The following TMEM132C variants were observed in gnomAD, a reference collection of about 807,000 sequenced individuals.
TMEM132C encodes the protein protein phosphatase 1, regulatory subunit 152.
Under a neutral mutation model 61.4 loss-of-function variants are expected in TMEM132C, and 29 were observed. The observed-to-expected ratio is 0.47, with a 90% CI of 0.35 to 0.64. The LOEUF (loss-of-function observed/expected upper bound fraction) is 0.64, where lower values mean the gene tolerates loss of function less well. TMEM132C is among the 30% of genes least tolerant of loss of function. TMEM132C has a pLI of 0.00. For synonymous variants in TMEM132C, 656 were observed against 633.1 expected (o/e 1.04, Z -0.54); for missense variants, 1,408 against 1,476.9 (o/e 0.95, Z 0.76).
At chr12:128,286,816 G>T (rs921118150) in intron 1 of TMEM132C, among the ~76,000 whole-genome samples, 1 of 152,148 alleles carries the variant, frequency 6.6e-6, no homozygotes. Flanking sequence ...GAAGGGACGT[G>T]TTGGTACCAG....
chr12:128,442,137 A>T (rs1007952901), intron 2 of TMEM132C, among the ~76,000 whole-genome samples: 6 of 152,170 alleles, frequency 3.9e-5, no homozygotes, highest in Non-Finnish European at 1.5e-5. Flanking sequence ...GTGAAAAAGG[A>T]ATCTGGCTTC....
intron 2 of TMEM132C, among the ~76,000 whole-genome samples, chr12:128,537,270 A>C (rs918183747): frequency 6.6e-6 from 1 of 152,202 alleles, no homozygotes; most frequent in Admixed American, 6.5e-5. Flanking sequence ...CTTTTGTCAA[A>C]ACCATAAAAG....
intron 4 of TMEM132C, among the ~76,000 whole-genome samples, chr12:128,620,408 T>C (rs1953953174): frequency 6.6e-6 from 1 of 152,034 alleles, no homozygotes; most frequent in African/African-American, 2.4e-5. Context: ...GGTAGATACT[T>C]CCTAAGGTGA....
At chr12:128,533,915 T>TAC (rs1229822672) in intron 2 of TMEM132C, among the ~76,000 whole-genome samples, 1 of 148,570 alleles carries the variant, frequency 6.7e-6, no homozygotes, top group Non-Finnish European at 1.5e-5. Flanking sequence ...CACACATGCA[T>TAC]ACACACACAC....
chr12:128,279,746 G>C (rs1420634264), intron 1 of TMEM132C, among the ~76,000 whole-genome samples: 2 of 152,194 alleles, frequency 1.3e-5, no homozygotes, highest in Non-Finnish European at 2.9e-5. Context: ...CACATTGTCT[G>C]TTGTTCTCCA....
chr12:128,267,628 G>A (rs1870354078), intron 1 of TMEM132C, 141 bp downstream of exon 1: 3 of 690,830 alleles, frequency 4.3e-6, no homozygotes, highest in Non-Finnish European at 3.9e-6. Context: ...CGCCTCTGCG[G>A]GTGCCGAGCC....
At chr12:128,672,948 C>T (rs937173777) in intron 5 of TMEM132C, among the ~76,000 whole-genome samples, 1 of 152,168 alleles carries the variant, frequency 6.6e-6, no homozygotes, top group Non-Finnish European at 1.5e-5. Context: ...ACACAAGACC[C>T]CGAGGTCAGA....
At chr12:128,466,756 G>T (rs772213811) in intron 2 of TMEM132C, among the ~76,000 whole-genome samples, 3 of 152,154 alleles carry the variant, frequency 2.0e-5, no homozygotes, top group Non-Finnish European at 4.4e-5. Context: ...GGGGTCAGGT[G>T]ATCCACCCGC....
Position 128,705,106 on chromosome 12 carries a change from C to T in TMEM132C, c.2138C>T (p.Thr713Met), listed in dbSNP as rs561572424. 1.0e-4 allele frequency: 157 copies of T among 1,540,418 alleles called. 2 individuals are homozygous for T. The South Asian group carries it at 1.5e-3, about 14-fold the overall frequency. Reference sequence around the variant, plus strand: ...TCCCTGCAGGAGGCTGTATTCAGCACGTGGCTGCAGTTCAGTGATGGCTCT... The same window carrying T: ...TCCCTGCAGGAGGCTGTATTCAGCATGTGGCTGCAGTTCAGTGATGGCTCT... ...RTPKQEAVFS[T>M]WLQFSDGSVT... Residue 713 changes from threonine to methionine, a missense_variant, in exon 9 of 9, where the codon ACG (threonine) becomes ATG (methionine). Physicochemically the swap from Thr to Met is moderately conservative, Grantham distance 81. Coordinates refer to ENST00000435159, the MANE Select transcript of TMEM132C (RefSeq NM_001136103.3).
chr12:128,548,757 T>C (rs923992454), intron 3 of TMEM132C, among the ~76,000 whole-genome samples: 5 of 152,220 alleles, frequency 3.3e-5, no homozygotes, highest in African/African-American at 1.2e-4. Flanking sequence ...ATTCTTTTAG[T>C]GGAAGATTGT....
intron 1 of TMEM132C, among the ~76,000 whole-genome samples, chr12:128,361,258 G>A (rs1873700712): frequency 6.6e-6 from 1 of 152,206 alleles, no homozygotes; most frequent in South Asian, 2.1e-4. Context: ...AAAGCAGAGA[G>A]ATTGTGGGTG....
At chr12:128,484,979 G>A (rs957484146) in intron 2 of TMEM132C, among the ~76,000 whole-genome samples, 3 of 152,018 alleles carry the variant, frequency 2.0e-5, no homozygotes, top group African/African-American at 7.2e-5. Context: ...AGGGAGGGAA[G>A]GAGGGAAGGA....
At chr12:128,285,713 TTCTC>T (rs1871035114) in intron 1 of TMEM132C, among the ~76,000 whole-genome samples, 1 of 95,250 alleles carries the variant, frequency 1.0e-5, no homozygotes, top group African/African-American at 4.0e-5. Flanking sequence ...CTCTGTCCCT[TTCTC>T]TCTTTCTCTC....
chr12:128,683,876 G>A (rs61938763), intron 5 of TMEM132C, among the ~76,000 whole-genome samples: 4,928 of 152,200 alleles, frequency 0.032, 90 homozygotes, highest in Middle Eastern at 0.054. Flanking sequence ...TGAGCCAGGA[G>A]AATCTCTTGA....
intron 5 of TMEM132C, among the ~76,000 whole-genome samples, chr12:128,690,600 G>A (rs771039235): frequency 5.9e-5 from 9 of 152,300 alleles, no homozygotes; most frequent in Non-Finnish European, 1.3e-4. Flanking sequence ...ATTGACTAAA[G>A]AAGTGATTAC....
chr12:128,293,676 C>G (rs1163639158), intron 1 of TMEM132C, among the ~76,000 whole-genome samples: 1 of 152,156 alleles, frequency 6.6e-6, no homozygotes, highest in Admixed American at 6.5e-5. Context: ...CATTTGTAAA[C>G]TCTCAGGTCT....
intron 5 of TMEM132C, among the ~76,000 whole-genome samples, chr12:128,680,137 CTG>C (rs1954622711): frequency 6.6e-6 from 1 of 152,180 alleles, no homozygotes; most frequent in South Asian, 2.1e-4. Context: ...GCCTTGGAGT[CTG>C]TGTTCAGAAT....
chr12:128,636,775 C>G (rs915034159), intron 4 of TMEM132C, among the ~76,000 whole-genome samples: 2 of 152,120 alleles, frequency 1.3e-5, no homozygotes, highest in Non-Finnish European at 2.9e-5. Flanking sequence ...ATTCCCCCTC[C>G]CCCAGTCGCT....
In TMEM132C at chr12:128,616,132, GTTTCT is replaced by G. The variant is rs761716686; in HGVS notation, c.1122-14_1122-10del. The G allele has an allele frequency of 6.5e-7, 1 of 1,548,156 alleles. No homozygotes were observed. The highest frequency in any genetic ancestry group is 8.7e-7 in the Non-Finnish European group (1 of 1,145,246). The stretch of plus-strand genomic sequence containing the variant: ...TTTGAACAAAGTTGGCTTAAAGCCA[GTTTCT>G]TTTCTCTCTTCCAGGAGCAGCAGTT... On this transcript the variant is annotated splice_polypyrimidine_tract_variant and intron_variant, in intron 3 of 8. Transcript: ENST00000435159.
Sources: allele counts gnomAD v4.1 joint callset (sites outside exome capture counted in the v4.1 genomes callset), GRCh38; gene constraint gnomAD v4.1.1; transcripts MANE v1.5; gene names NCBI Gene and HGNC (gene_info 2026-07-23, HGNC 2026-07-21).